Variants in PRDM5 observed in about 807,000 individuals in gnomAD.
PRDM5 encodes the protein PR/SET domain 5.
PRDM5 carries 56 observed loss-of-function variants against 81.2 expected under a neutral mutation model. The observed-to-expected ratio is 0.69, with a 90% CI of 0.56 to 0.86. The LOEUF is 0.86. Ranked by LOEUF, PRDM5 falls within the 40% of genes least tolerant of loss-of-function variation. The pLI, the probability that PRDM5 is intolerant of heterozygous loss-of-function variation, is 0.00. For synonymous variants in PRDM5, 267 were observed against 256.4 expected (o/e 1.04, Z -0.39); for missense variants, 697 against 770.1 (o/e 0.91, Z 1.12).
intron 2 of PRDM5, among the ~76,000 whole-genome samples, chr4:120,857,158 C>T (rs1014162477): frequency 6.6e-6 from 1 of 152,134 alleles, no homozygotes; most frequent in Non-Finnish European, 1.5e-5. Flanking sequence ...GAGTTTGAGA[C>T]CAGCCTGGCC....
At chr4:120,757,789 T>C (rs1359108310) in intron 13 of PRDM5, among the ~76,000 whole-genome samples, 1 of 152,042 alleles carries the variant, frequency 6.6e-6, no homozygotes, top group African/African-American at 2.4e-5. Context: ...TTCTCCCAGA[T>C]AGAACAAAAA....
intron 11 of PRDM5, among the ~76,000 whole-genome samples, chr4:120,784,500 AGTAT>A (rs1305656595): frequency 1.3e-5 from 2 of 152,096 alleles, no homozygotes; most frequent in African/African-American, 4.8e-5. Context: ...TGAAATCTTG[AGTAT>A]GTCATGGTGC....
intron 15 of PRDM5, among the ~76,000 whole-genome samples, chr4:120,703,729 A>G (rs530524217): frequency 2.0e-5 from 3 of 152,290 alleles, no homozygotes; most frequent in East Asian, 1.9e-4. Flanking sequence ...ACAGAAGAAA[A>G]TGAACACACA....
chr4:120,887,286 A>G (rs1403281251), intron 2 of PRDM5, among the ~76,000 whole-genome samples: 1 of 147,916 alleles, frequency 6.8e-6, no homozygotes, highest in African/African-American at 2.5e-5. Context: ...AAGCCCCATC[A>G]GTGTTAGTTA....
At chr4:120,715,660 T>TA (rs1014337664) in intron 14 of PRDM5, among the ~76,000 whole-genome samples, 4 of 152,102 alleles carry the variant, frequency 2.6e-5, no homozygotes, top group Non-Finnish European at 5.9e-5. Flanking sequence ...ACTTTTATTT[T>TA]AAAAAAACAT....
At chr4:120,771,732 G>C (rs1195873782) in intron 13 of PRDM5, among the ~76,000 whole-genome samples, 1 of 152,092 alleles carries the variant, frequency 6.6e-6, no homozygotes, top group East Asian at 1.9e-4. Context: ...TTCTCAATAT[G>C]ATGTCCTGTA....
chr4:120,767,005 G>A (rs557539408), intron 13 of PRDM5, among the ~76,000 whole-genome samples: 3 of 152,178 alleles, frequency 2.0e-5, no homozygotes, highest in East Asian at 1.9e-4. Flanking sequence ...GTGGTAATGC[G>A]AACAAGGGGG....
chr4:120,875,349 CTG>C (rs1255433977), intron 2 of PRDM5, among the ~76,000 whole-genome samples: 1 of 152,240 alleles, frequency 6.6e-6, no homozygotes, highest in African/African-American at 2.4e-5. Flanking sequence ...GAGGATGACT[CTG>C]AGACTGCCAA....
chr4:120,854,381 A>G (rs1280239436), intron 2 of PRDM5, among the ~76,000 whole-genome samples: 1 of 151,984 alleles, frequency 6.6e-6, no homozygotes, highest in Non-Finnish European at 1.5e-5. Flanking sequence ...TAGAATCCAG[A>G]AAAAAAAGGA....
Position 120,863,767 on chromosome 4 carries a change from G to GT in PRDM5, c.178-10228dup, listed in dbSNP as rs1760900792. ...TTGCCTTATAAATTGGCTTCAGAAC[G>GT]TAAGTTTTGCAAAGAGGTGAATCCA... On this transcript the variant is annotated intron_variant, in intron 2 of 15. Coordinates refer to ENST00000264808, the MANE Select transcript of PRDM5 (RefSeq NM_018699.4). Among the ~76,000 whole-genome samples the GT allele has an allele frequency of 2.0e-5, 3 of 152,270 alleles. No individual in the cohort carries two copies. In the South Asian group the frequency reaches 6.2e-4, roughly 32 times the overall value.
At chr4:120,818,684 CA>C (rs1216636757) in intron 4 of PRDM5, among the ~76,000 whole-genome samples, 157 bp from the exon 5 acceptor site, 1 of 151,734 alleles carries the variant, frequency 6.6e-6, no homozygotes, top group Non-Finnish European at 1.5e-5. Flanking sequence ...TATTTGGCCA[CA>C]AAAAAATAAT....
intron 13 of PRDM5, among the ~76,000 whole-genome samples, chr4:120,767,272 TA>T (rs148104295): frequency 6.7e-4 from 100 of 150,172 alleles, no homozygotes; most frequent in South Asian, 3.8e-3. Context: ...ACACTTGTTT[TA>T]AAAAAAAAAT....
chr4:120,847,321 T>TTC (rs145643980), intron 3 of PRDM5, among the ~76,000 whole-genome samples: 40 of 151,688 alleles, frequency 2.6e-4, no homozygotes, highest in Non-Finnish European at 4.9e-4. Context: ...TTTTCTCTCT[T>TTC]TCTCTCTCTC....
chr4:120,851,981 C>G (rs1759323445), intron 3 of PRDM5, among the ~76,000 whole-genome samples: 1 of 152,176 alleles, frequency 6.6e-6, no homozygotes, highest in African/African-American at 2.4e-5. Context: ...GTTTAGAATC[C>G]AGGAAGATGA....
intron 1 of PRDM5, among the ~76,000 whole-genome samples, chr4:120,913,903 C>T (rs1766789647): frequency 6.6e-6 from 1 of 152,176 alleles, no homozygotes; most frequent in Non-Finnish European, 1.5e-5. Flanking sequence ...AGCTGACTGA[C>T]AGGGAACTGA....
intron 14 of PRDM5, among the ~76,000 whole-genome samples, chr4:120,739,704 A>G (rs991128009): frequency 6.6e-6 from 1 of 151,782 alleles, no homozygotes; most frequent in South Asian, 2.1e-4. Flanking sequence ...CTCAAAGCCT[A>G]TCAAAATCCA....
chr4:120,703,395 G>T (rs984094841), intron 15 of PRDM5, among the ~76,000 whole-genome samples: 1 of 151,932 alleles, frequency 6.6e-6, no homozygotes, highest in African/African-American at 2.4e-5. Context: ...TTGCTATGTT[G>T]CCCAGATTGG....
chr4:120,851,619 T>C (rs1759288672), intron 3 of PRDM5, among the ~76,000 whole-genome samples: 1 of 152,030 alleles, frequency 6.6e-6, no homozygotes, highest in African/African-American at 2.4e-5. Context: ...CATGTATCCA[T>C]GCAAAAAGGG....
intron 3 of PRDM5, among the ~76,000 whole-genome samples, chr4:120,830,893 T>G (rs1185179145): frequency 6.6e-6 from 1 of 151,958 alleles, no homozygotes; most frequent in Non-Finnish European, 1.5e-5. Context: ...TACTAACATA[T>G]ATGTGTATGT....
Sources: gnomAD v4.1 joint callset for allele counts (sites outside exome capture counted in the v4.1 genomes callset) on GRCh38, gnomAD v4.1.1 for gene constraint, MANE v1.5 for transcripts, NCBI Gene and HGNC (gene_info 2026-07-23, HGNC 2026-07-21) for gene names.